Variants in NCOR2 observed in about 807,000 individuals in gnomAD.
NCOR2 encodes nuclear receptor corepressor 2, also known as CTG repeat protein 26.
A neutral mutation model predicts 262.9 loss-of-function variants in NCOR2; 81 were observed. That is an observed-to-expected ratio of 0.31 (90% CI 0.26 to 0.37). NCOR2 has a LOEUF of 0.37. Ranked by LOEUF, NCOR2 falls within the 10% of genes least tolerant of loss-of-function variation. NCOR2 has a pLI of 1.00. For synonymous variants in NCOR2, 1,659 were observed against 1,559.3 expected, an observed-to-expected ratio of 1.06 and a Z score of -1.51; for missense variants, 3,385 against 3,621.4, an observed-to-expected ratio of 0.93 and a Z score of 1.68.
At position 124,491,426 on chromosome 12, in the gene NCOR2, CCT is replaced by C. The variant is rs555695792; in HGVS notation, c.105+3719_105+3720del. 1.8e-3 allele frequency among the ~76,000 whole-genome samples: 267 copies of C among 152,354 alleles called. 2 individuals carry two copies. The highest frequency in any genetic ancestry group is 5.5e-3 in the African/African-American group (228 of 41,574). On this transcript the variant is annotated intron_variant, in intron 1 of 46. Transcript: ENST00000405201. ...CACGGGACGGTAAGGCCACTTGCCC[CCT>C]GTTTCACAGCTAGGACATCACTGGG...
chr12:124,445,348 G>A lies in NCOR2; in HGVS notation c.815+4467C>T, dbSNP rs755235684. Among the ~76,000 whole-genome samples, 25 of 152,304 alleles carry A rather than the reference G, an allele frequency of 1.6e-4. 1 individual carries two copies. Among genetic ancestry groups the A allele is most frequent in the African/African-American group, 4.1e-4 (17 of 41,570 alleles). On this transcript the variant is annotated intron_variant, in intron 7 of 46. Transcript: ENST00000405201. ...TCTGCGGCTGCCCCGGCCCCGCCCC[G>A]GTGGTCTGAGCGCTCCCTCCTGCAG...
At chr12:124,348,504 C>T in intron 28 of NCOR2, 190 bp from the exon 31 acceptor site, 2 of 702,996 alleles carry the variant, frequency 2.8e-6, no homozygotes, top group South Asian at 2.0e-5. Flanking sequence ...GCCAGCAGGA[C>T]CCAGGAGCTT....
At chr12:124,456,829 C>T (rs888538803) in intron 6 of NCOR2, among the ~76,000 whole-genome samples, 2 of 152,228 alleles carry the variant, frequency 1.3e-5, no homozygotes, top group Admixed American at 6.5e-5. Context: ...ACAGCCCGAG[C>T]GGCCGGGCTT....
At chr12:124,497,165 G>A (rs576027221), upstream of NCOR2, among the ~76,000 whole-genome samples, 1 of 152,346 alleles carries the variant, frequency 6.6e-6, no homozygotes, top group African/African-American at 2.4e-5. The surrounding 1 kb of genome is among the most constrained non-coding windows in gnomAD (Gnocchi z 4.2). Flanking sequence ...CACAGGGAAA[G>A]AAGGAGTCAC....
intron 41 of NCOR2, among the ~76,000 whole-genome samples, chr12:124,334,162 CTA>C (rs1190679006): frequency 2.6e-5 from 4 of 152,218 alleles, no homozygotes; most frequent in African/African-American, 9.7e-5. Flanking sequence ...AGAATGCTGC[CTA>C]TGTCTCCTGG....
intron 1 of NCOR2, among the ~76,000 whole-genome samples, chr12:124,544,760 G>T (rs1454169824): frequency 6.6e-6 from 1 of 152,196 alleles, no homozygotes; most frequent in Admixed American, 6.5e-5. Flanking sequence ...CACAAGTGGG[G>T]CTGACATACA....
chr12:124,358,755 C>T (rs1413485347), intron 22 of NCOR2, among the ~76,000 whole-genome samples: 1 of 150,326 alleles, frequency 6.7e-6, no homozygotes, highest in Admixed American at 6.7e-5. Context: ...GGCAGGGCTA[C>T]TTACCAGGCG....
intron 16 of NCOR2, among the ~76,000 whole-genome samples, chr12:124,392,248 G>C (rs908278437): frequency 1.3e-5 from 2 of 152,204 alleles, no homozygotes; most frequent in African/African-American, 4.8e-5. Context: ...GCTGACAGGA[G>C]CAAGAGTGTG....
At chr12:124,401,518 T>C (rs1299918063) in intron 14 of NCOR2, among the ~76,000 whole-genome samples, 1 of 152,262 alleles carries the variant, frequency 6.6e-6, no homozygotes, top group African/African-American at 2.4e-5. Flanking sequence ...AGGGGCTCTA[T>C]AAGAGGCAAT....
chr12:124,501,234 C>A (rs1287106698), intron 1 of NCOR2, among the ~76,000 whole-genome samples: 8 of 152,080 alleles, frequency 5.3e-5, no homozygotes, highest in Non-Finnish European at 1.2e-4. Context: ...ACAGGCAGGC[C>A]CCAGGAGCCC....
rs149066414 is a variant in NCOR2, at chr12:124,397,137, G to C, written c.1876+982C>G. 7.9e-3 allele frequency among the ~76,000 whole-genome samples: 1,208 copies of C among 152,290 alleles called. 13 individuals carry two copies. The highest frequency in any genetic ancestry group is 0.027 in the African/African-American group (1,124 of 41,570). On this transcript the variant is annotated intron_variant, in intron 16 of 46. Transcript: ENST00000405201. ...GGACAGGAGCAGGCCCCACCTCTTA[G>C]ATAACCGAGAGTGAGCGTGCCGTGG...
At chr12:124,564,987 A>G (rs1388147275) in intron 1 of NCOR2, among the ~76,000 whole-genome samples, 1 of 138,818 alleles carries the variant, frequency 7.2e-6, no homozygotes, top group Non-Finnish European at 1.5e-5. Context: ...TCGTGTTTGC[A>G]GAGCTCTGGG....
chr12:124,327,996 C>T (rs2034834522), intron 44 of NCOR2, among the ~76,000 whole-genome samples: 3 of 151,950 alleles, frequency 2.0e-5, no homozygotes. Flanking sequence ...CACCTCCAAT[C>T]CTAGCTGGGG....
Position 124,443,755 on chromosome 12 carries a change from C to T in NCOR2, c.816-5759G>A, listed in dbSNP as rs548742669. ...TGACCTCATGATCTGCCTGCCTCAG[C>T]CTCCCAAAGTGCTGGGATTACAGGT... On this transcript the variant is annotated intron_variant, in intron 7 of 46. Coordinates refer to ENST00000405201, the Ensembl canonical transcript of NCOR2. The surrounding 1 kb of genome is among the most constrained non-coding windows in gnomAD (Gnocchi z 4.4). Among the ~76,000 whole-genome samples the T allele has an allele frequency of 1.2e-4, 19 of 152,288 alleles. No individual in the cohort carries two copies. The highest frequency in any genetic ancestry group is 1.2e-3 in the Admixed American group (19 of 15,304).
intron 9 of NCOR2, 66 bp from the exon 12 acceptor site, chr12:124,429,772 T>A: frequency 2.8e-6 from 4 of 1,445,210 alleles, no homozygotes; most frequent in Non-Finnish European, 3.8e-6. Context: ...CAGACCCCTG[T>A]GGCGCAGCCC....
chr12:124,462,281 C>A (rs1399398249), intron 5 of NCOR2, among the ~76,000 whole-genome samples: 2 of 152,218 alleles, frequency 1.3e-5, no homozygotes, highest in African/African-American at 4.8e-5. Context: ...AAGCCCCATC[C>A]TAGCCCCTTC....
At chr12:124,361,761 G>A (rs745474579) in intron 22 of NCOR2, among the ~76,000 whole-genome samples, 4 of 152,214 alleles carry the variant, frequency 2.6e-5, no homozygotes, top group African/African-American at 7.2e-5. Flanking sequence ...ATGTTTTTGC[G>A]TGTTCACAAT....
exon 47 of NCOR2, chr12:124,325,472 T>C (rs542753452): frequency 2.3e-6 from 3 of 1,288,704 alleles, no homozygotes; most frequent in Non-Finnish European, 3.0e-6. Flanking sequence ...CCAGGCGTGG[T>C]GGGGGCCAGC....
intron 4 of NCOR2, among the ~76,000 whole-genome samples, chr12:124,469,569 CTAAGAGGGTGA>C (rs2046721406): frequency 6.6e-6 from 1 of 152,172 alleles, no homozygotes; most frequent in Non-Finnish European, 1.5e-5. Flanking sequence ...AGAGACCCAG[CTAAGAGGGTGA>C]CTAGCTCTGC....
Sources: gnomAD v4.1 joint callset for allele counts (sites outside exome capture counted in the v4.1 genomes callset) on GRCh38, gnomAD v4.1.1 for gene constraint, Gnocchi (gnomAD v3.1) non-coding constraint, MANE v1.5 for transcripts, NCBI Gene and HGNC (gene_info 2026-07-23, HGNC 2026-07-21) for gene names.